The following XPO6 variants were observed in gnomAD, a reference collection of about 807,000 sequenced individuals.
The protein encoded by XPO6 is exportin-6.
A neutral mutation model predicts 130.0 loss-of-function variants in XPO6; 3 were observed. The observed-to-expected ratio is 0.02, with a 90% CI of 0.01 to 0.06. XPO6 has a LOEUF of 0.06. Among genes scored for constraint, XPO6 ranks in the 10% least tolerant of loss-of-function variants. The pLI is 1.00. For missense variants in XPO6, 970 were observed against 1,393.0 expected (o/e 0.70, Z 4.83); for synonymous variants, 524 against 548.9 (o/e 0.95, Z 0.63).
At chr16:28,182,454 G>A (rs149196839) in intron 1 of XPO6, among the ~76,000 whole-genome samples, 229 of 152,296 alleles carry the variant, frequency 1.5e-3, no homozygotes, top group Non-Finnish European at 2.9e-3. Context: ...TGAGGTCACA[G>A]AATGATGGCT....
chr16:28,168,775 TGTTTTG>T (rs2043400260), intron 5 of XPO6, among the ~76,000 whole-genome samples: 1 of 146,964 alleles, frequency 6.8e-6, no homozygotes, highest in South Asian at 2.2e-4. Context: ...CTAACTTTTT[TGTTTTG>T]TTTTTTTTTT....
Position 28,132,471 on chromosome 16 carries a change from C to G in XPO6, c.1537-68G>C, listed in dbSNP as rs777358013. ...AATGCAAGTTTTAATAGCATTTTAA[C>G]ATTACAACATTAACACGTAACTATG... On this transcript the variant is annotated intron_variant, in intron 11 of 23. Coordinates refer to ENST00000304658, the MANE Select transcript of XPO6 (RefSeq NM_015171.4). The surrounding 1 kb of genome is among the most constrained non-coding windows in gnomAD (Gnocchi z 4.0). 2 of 1,018,938 alleles carry G rather than the reference C, an allele frequency of 2.0e-6. No individual in the cohort carries two copies. The highest frequency in any genetic ancestry group is 3.0e-6 in the Non-Finnish European group (2 of 674,638). The allele number at this position is 1,018,938 out of a possible 1,614,324, so 63.1% of individuals were successfully genotyped here.
At chr16:28,182,328 CT>C (rs1376179589) in intron 1 of XPO6, among the ~76,000 whole-genome samples, 3 of 152,176 alleles carry the variant, frequency 2.0e-5, no homozygotes, top group Non-Finnish European at 4.4e-5. Context: ...AAAACCAGCA[CT>C]TCTCAGTACC....
At chr16:28,105,438 G>A (rs937491864) in intron 20 of XPO6, among the ~76,000 whole-genome samples, 1 of 152,092 alleles carries the variant, frequency 6.6e-6, no homozygotes, top group African/African-American at 2.4e-5. Context: ...AGACACCAGG[G>A]GCCACAAGCA....
In XPO6 at chr16:28,101,957, G is replaced by A. The variant is rs779769642; in HGVS notation, c.2947-12C>T. 5.0e-6 allele frequency: 8 copies of A among 1,610,442 alleles called. No individual in the cohort carries two copies. The highest frequency in any genetic ancestry group is 3.4e-6 in the Non-Finnish European group (4 of 1,177,234). On this transcript the variant is annotated splice_polypyrimidine_tract_variant and intron_variant, in intron 21 of 23. Transcript: ENST00000304658. The surrounding 1 kb of genome is among the most constrained non-coding windows in gnomAD (Gnocchi z 5.4). ...GACTGTCCGAAAGCCTAGGAAATGA[G>A]ACCACCATTTTATAAACTGCAAGAC...
chr16:28,138,025 TAAC>T (rs562145129), intron 9 of XPO6, among the ~76,000 whole-genome samples: 14 of 152,050 alleles, frequency 9.2e-5, no homozygotes, highest in Non-Finnish European at 1.9e-4. Flanking sequence ...GCAAACGACT[TAAC>T]AACCTAACAC....
intron 12 of XPO6, among the ~76,000 whole-genome samples, chr16:28,127,645 T>C (rs1422842946): frequency 1.3e-5 from 2 of 152,086 alleles, no homozygotes; most frequent in Non-Finnish European, 2.9e-5. Flanking sequence ...ACAAAGCACG[T>C]GGCAAATGAA....
intron 14 of XPO6, among the ~76,000 whole-genome samples, chr16:28,120,192 C>A (rs116267163): frequency 0.017 from 2,594 of 151,934 alleles, 70 homozygotes; most frequent in African/African-American, 0.059. Flanking sequence ...TAATAATCAT[C>A]ATCATCATCA....
intron 1 of XPO6, among the ~76,000 whole-genome samples, chr16:28,186,374 C>CTTTTTTTTTCTTTTTTTTTTTTTTTTTT (rs2043694056): frequency 1.2e-5 from 1 of 81,442 alleles, no homozygotes. Flanking sequence ...CCCAGTTATT[C>CTTTTTTTTTCTTTTTTTTTTTTTTTTTT]TTTTTTTTTT....
At chr16:28,151,749 T>A (rs1005919200) in intron 8 of XPO6, among the ~76,000 whole-genome samples, 4 of 152,224 alleles carry the variant, frequency 2.6e-5, no homozygotes, top group African/African-American at 9.6e-5. Flanking sequence ...AACACACAGC[T>A]GGGCACGGTA....
intron 5 of XPO6, among the ~76,000 whole-genome samples, chr16:28,167,596 T>C (rs193236018): frequency 1.3e-5 from 2 of 152,320 alleles, no homozygotes; most frequent in African/African-American, 2.4e-5. Flanking sequence ...ACATAAAACA[T>C]ACCTCTATTT....
intron 4 of XPO6, 105 bp from the exon 5 acceptor site, chr16:28,170,014 A>G (rs1041072822): frequency 1.4e-6 from 2 of 1,414,848 alleles, no homozygotes; most frequent in African/African-American, 2.8e-5. Flanking sequence ...TTAATCTTAC[A>G]TGAACATAAA....
At chr16:28,188,993 G>C (rs1004701222) in intron 1 of XPO6, among the ~76,000 whole-genome samples, 11 of 152,032 alleles carry the variant, frequency 7.2e-5, no homozygotes, top group African/African-American at 2.2e-4. Context: ...CACAGGTCTT[G>C]CTCTGTCGCC....
chr16:28,144,878 A>G (rs1250031351), intron 9 of XPO6, among the ~76,000 whole-genome samples: 1 of 152,242 alleles, frequency 6.6e-6, no homozygotes, highest in Non-Finnish European at 1.5e-5. Context: ...ACCCCTAGGT[A>G]GGAACTACAA....
intron 10 of XPO6, among the ~76,000 whole-genome samples, chr16:28,134,228 G>T (rs968886281): frequency 6.6e-6 from 1 of 152,148 alleles, no homozygotes. Flanking sequence ...AAATGATCAC[G>T]CATCACCTTC....
At chr16:28,147,813 G>A (rs1567621634) in intron 8 of XPO6, among the ~76,000 whole-genome samples, 1 of 152,188 alleles carries the variant, frequency 6.6e-6, no homozygotes, top group Non-Finnish European at 1.5e-5. Context: ...CGAGCATGGC[G>A]ATGCACGCCT....
chr16:28,121,057 G>A (rs1266020128), intron 14 of XPO6, among the ~76,000 whole-genome samples: 4 of 152,242 alleles, frequency 2.6e-5, no homozygotes, highest in African/African-American at 9.6e-5. Context: ...CCCATCTCCT[G>A]TCCCTGTCCT....
At chr16:28,199,103 G>A (rs1320275796) in intron 1 of XPO6, among the ~76,000 whole-genome samples, 2 of 152,010 alleles carry the variant, frequency 1.3e-5, no homozygotes, top group Non-Finnish European at 2.9e-5. Context: ...TCGTGCCATT[G>A]CACTACAGCC....
chr16:28,180,775 G>C (rs1430873256), intron 2 of XPO6, among the ~76,000 whole-genome samples, 166 bp downstream of exon 2: 1 of 152,168 alleles, frequency 6.6e-6, no homozygotes, highest in Non-Finnish European at 1.5e-5. Context: ...CTTTGGTCAA[G>C]TGGAGGGGTT....
Sources: gnomAD v4.1 joint callset for allele counts (sites outside exome capture counted in the v4.1 genomes callset) on GRCh38, gnomAD v4.1.1 for gene constraint, Gnocchi (gnomAD v3.1) non-coding constraint, MANE v1.5 for transcripts, NCBI Gene and HGNC (gene_info 2026-07-23, HGNC 2026-07-21) for gene names.